Variants in MEGF11 observed in about 807,000 individuals in gnomAD.
The protein encoded by MEGF11 is multiple epidermal growth factor-like domains protein 11.
MEGF11 carries 126 observed loss-of-function variants against 146.6 expected under a neutral mutation model. That is an observed-to-expected ratio of 0.86 (90% CI 0.74 to 1.00). MEGF11 has a LOEUF of 1.00. Among genes scored for constraint, MEGF11 ranks in the 50% least tolerant of loss-of-function variants. MEGF11 has a pLI of 0.00. For synonymous variants in MEGF11, 532 were observed against 583.4 expected, an observed-to-expected ratio of 0.91 and a Z score of 1.27; for missense variants, 1,509 against 1,521.2, an observed-to-expected ratio of 0.99 and a Z score of 0.13.
intron 1 of MEGF11, among the ~76,000 whole-genome samples, chr15:66,199,357 CT>C: frequency 6.6e-6 from 1 of 152,156 alleles, no homozygotes; most frequent in African/African-American, 2.4e-5. Flanking sequence ...CCTCCCAGTC[CT>C]AGTGCCCTGG....
chr15:66,117,458 C>T (rs147564859), intron 4 of MEGF11, among the ~76,000 whole-genome samples: 20 of 152,282 alleles, frequency 1.3e-4, no homozygotes, highest in Non-Finnish European at 2.4e-4. Context: ...GCAATCAGGA[C>T]GCTTAGCACT....
At chr15:65,965,230 T>C in intron 8 of MEGF11, 110 bp from the exon 9 acceptor site, 1 of 823,774 alleles carries the variant, frequency 1.2e-6, no homozygotes, top group Non-Finnish European at 1.9e-6. Context: ...CCTGGTGTGC[T>C]CCACGCTGCT....
At chr15:66,232,095 G>T (rs11631757) in intron 1 of MEGF11, among the ~76,000 whole-genome samples, 29,152 of 152,220 alleles carry the variant, frequency 0.19, 3,492 homozygotes, top group Admixed American at 0.27. Flanking sequence ...CACAGGTGCT[G>T]CTCAGAACCC....
chr15:66,156,966 G>A (rs2089780978), intron 1 of MEGF11, among the ~76,000 whole-genome samples: 1 of 152,102 alleles, frequency 6.6e-6, no homozygotes, highest in East Asian at 1.9e-4. Flanking sequence ...AATATGAGCA[G>A]CCACCCACCA....
intron 1 of MEGF11, among the ~76,000 whole-genome samples, chr15:66,197,459 A>G (rs982795265): frequency 3.9e-5 from 6 of 152,028 alleles, no homozygotes; most frequent in South Asian, 2.1e-4. Flanking sequence ...GTCTCGCTCT[A>G]TCGCCCAGGC....
chr15:65,996,218 C>A (rs551546753), intron 5 of MEGF11, among the ~76,000 whole-genome samples: 1 of 152,288 alleles, frequency 6.6e-6, no homozygotes, highest in East Asian at 1.9e-4. Flanking sequence ...CTCTCAGAGT[C>A]ACCTGGGGAA....
intron 5 of MEGF11, among the ~76,000 whole-genome samples, chr15:66,017,013 C>T (rs937744142): frequency 1.1e-4 from 17 of 152,242 alleles, no homozygotes; most frequent in Admixed American, 1.0e-3. Context: ...CTCCTAATTT[C>T]AGGGATGTTG....
intron 4 of MEGF11, among the ~76,000 whole-genome samples, chr15:66,112,208 A>C (rs1247807621): frequency 6.6e-6 from 1 of 152,178 alleles, no homozygotes; most frequent in African/African-American, 2.4e-5. Flanking sequence ...AGATAAAACT[A>C]TCTGAAAGAG....
At chr15:66,124,629 G>T (rs1304020409) in intron 2 of MEGF11, among the ~76,000 whole-genome samples, 3 of 152,190 alleles carry the variant, frequency 2.0e-5, no homozygotes, top group African/African-American at 7.2e-5. Context: ...GCTTCCACAA[G>T]CTCCCCCAGT....
chr15:66,153,279 A>G (rs1166372791), intron 1 of MEGF11, among the ~76,000 whole-genome samples: 4 of 152,230 alleles, frequency 2.6e-5, no homozygotes, highest in Non-Finnish European at 4.4e-5. Context: ...CGCCCATGAA[A>G]GAAAGCAGTT....
chr15:66,053,201 C>T (rs1011068468), intron 5 of MEGF11, among the ~76,000 whole-genome samples: 4 of 152,184 alleles, frequency 2.6e-5, no homozygotes, highest in African/African-American at 9.7e-5. Flanking sequence ...TTTGCCTTCT[C>T]ATTGAGCTTC....
chr15:66,082,539 G>T (rs1288998716), intron 5 of MEGF11, among the ~76,000 whole-genome samples: 1 of 142,922 alleles, frequency 7.0e-6, no homozygotes, highest in Non-Finnish European at 1.5e-5. Flanking sequence ...CAGGTGTGGT[G>T]GTGTGTACCT....
intron 1 of MEGF11, among the ~76,000 whole-genome samples, chr15:66,234,896 C>T (rs566326893): frequency 1.2e-3 from 184 of 152,138 alleles, no homozygotes; most frequent in South Asian, 0.01. Context: ...AGTCCCAGAG[C>T]AATCCCTGGC....
chr15:65,902,152 G>C (rs901854167), intron 24 of MEGF11: 1 of 152,236 alleles, frequency 6.6e-6, no homozygotes, highest in African/African-American at 2.4e-5. Flanking sequence ...CTGAGTTAGG[G>C]CAGTAGGAGA....
intron 5 of MEGF11, among the ~76,000 whole-genome samples, chr15:66,036,287 C>T (rs1193975172): frequency 6.6e-6 from 1 of 152,192 alleles, no homozygotes; most frequent in Non-Finnish European, 1.5e-5. Flanking sequence ...CTTCTCTATC[C>T]TTTCTCCCTG....
At chr15:66,200,829 G>T (rs890651641) in intron 1 of MEGF11, among the ~76,000 whole-genome samples, 1 of 152,186 alleles carries the variant, frequency 6.6e-6, no homozygotes, top group South Asian at 2.1e-4. Flanking sequence ...TTGGTGAATC[G>T]CCTCTGAGGT....
chr15:66,033,136 C>T (rs1348708405), intron 5 of MEGF11, among the ~76,000 whole-genome samples: 2 of 149,434 alleles, frequency 1.3e-5, no homozygotes, highest in Non-Finnish European at 3.0e-5. Context: ...GGAAAATTTG[C>T]AGCCTAGTCA....
intron 5 of MEGF11, among the ~76,000 whole-genome samples, chr15:66,013,657 G>T (rs917083464): frequency 2.6e-5 from 4 of 152,146 alleles, no homozygotes; most frequent in African/African-American, 9.7e-5. Context: ...CACCCATCAT[G>T]ATTCTTTTGA....
chr15:65,957,526 G>A (rs371726005), intron 10 of MEGF11, 21 bp downstream of exon 10: 358 of 1,608,144 alleles, frequency 2.2e-4, no homozygotes, highest in Non-Finnish European at 2.9e-4. Flanking sequence ...GGAAGGCCAC[G>A]GGAGGCCCCT....
Sources: gnomAD v4.1 joint callset for allele counts (sites outside exome capture counted in the v4.1 genomes callset) on GRCh38, gnomAD v4.1.1 for gene constraint, MANE v1.5 for transcripts, NCBI Gene and HGNC (gene_info 2026-07-23, HGNC 2026-07-21) for gene names.